AKAP19: variants seen among roughly 807,000 people sequenced by gnomAD.
AKAP19 encodes small A-kinase anchoring protein.
At chr2:190,003,470 G>A in the AKAP19 span, among the ~76,000 whole-genome samples, 1 of 152,024 alleles carries the variant, frequency 6.6e-6, no homozygotes, top group Non-Finnish European at 1.5e-5. Flanking sequence ...AATTACTGAG[G>A]TAAATAATAT....
At chr2:190,118,567 G>A in the AKAP19 span, among the ~76,000 whole-genome samples, 8 of 152,112 alleles carry the variant, frequency 5.3e-5, no homozygotes, top group Non-Finnish European at 1.5e-5. Flanking sequence ...TTCAACATAT[G>A]CAAATCAATA....
the AKAP19 span, among the ~76,000 whole-genome samples, chr2:190,198,631 CAAAAAAAAAAAAAAA>C: frequency 9.9e-5 from 7 of 70,592 alleles, no homozygotes; most frequent in South Asian, 1.3e-3. Context: ...GACCCTGTCT[CAAAAAAAAAAAAAAA>C]AAAAAAAAAG....
chr2:189,935,178 A>T, the AKAP19 span, among the ~76,000 whole-genome samples: 7 of 152,076 alleles, frequency 4.6e-5, no homozygotes, highest in Admixed American at 4.6e-4. Context: ...AAAGTATGAA[A>T]TACAGAGCAA....
the AKAP19 span, among the ~76,000 whole-genome samples, chr2:189,890,373 T>G: frequency 2.0e-5 from 3 of 152,198 alleles, no homozygotes; most frequent in African/African-American, 7.2e-5. Context: ...TGCAATGTGG[T>G]GCTGAGAAGA....
the AKAP19 span, among the ~76,000 whole-genome samples, chr2:190,052,241 C>G: frequency 6.6e-6 from 1 of 152,274 alleles, no homozygotes; most frequent in East Asian, 1.9e-4. Context: ...ATATAATTCA[C>G]TCCATTACTT....
chr2:190,080,297 A>G, the AKAP19 span, among the ~76,000 whole-genome samples: 6 of 152,232 alleles, frequency 3.9e-5, no homozygotes, highest in African/African-American at 1.4e-4. Context: ...AAATTAATAA[A>G]GACACAATGC....
chr2:190,102,701 A>AAG, the AKAP19 span, among the ~76,000 whole-genome samples: 1 of 152,158 alleles, frequency 6.6e-6, no homozygotes, highest in Non-Finnish European at 1.5e-5. Flanking sequence ...AATAAAAAAA[A>AAG]AGACCTACCA....
At chr2:190,039,437 G>A in the AKAP19 span, among the ~76,000 whole-genome samples, 19,296 of 152,140 alleles carry the variant, frequency 0.13, 2,927 homozygotes, top group African/African-American at 0.36. Flanking sequence ...TACTGCCCCA[G>A]TAGTGGAAAA....
chr2:189,984,414 G>A, the AKAP19 span, among the ~76,000 whole-genome samples: 3 of 152,130 alleles, frequency 2.0e-5, no homozygotes, highest in South Asian at 6.2e-4. Flanking sequence ...GCTCTGTTCT[G>A]CCCAGCTCAC....
At chr2:189,989,323 A>G in the AKAP19 span, among the ~76,000 whole-genome samples, 1 of 152,218 alleles carries the variant, frequency 6.6e-6, no homozygotes, top group Non-Finnish European at 1.5e-5. Flanking sequence ...GAAAAGCAGA[A>G]CAAATCACAC....
chr2:189,971,386 A>C, the AKAP19 span, among the ~76,000 whole-genome samples: 342 of 152,252 alleles, frequency 2.2e-3, 4 homozygotes, highest in African/African-American at 7.7e-3. Flanking sequence ...TCTATCATTG[A>C]TGGACATTTG....
At chr2:190,046,092 T>G in the AKAP19 span, among the ~76,000 whole-genome samples, 1 of 152,208 alleles carries the variant, frequency 6.6e-6, no homozygotes, top group African/African-American at 2.4e-5. Context: ...CTGTCTTGCT[T>G]TTCTTCATTC....
the AKAP19 span, among the ~76,000 whole-genome samples, chr2:190,077,745 A>G: frequency 6.6e-6 from 1 of 152,094 alleles, no homozygotes; most frequent in African/African-American, 2.4e-5. Flanking sequence ...TCCTTTGAAG[A>G]GTGTTGAAGT....
the AKAP19 span, among the ~76,000 whole-genome samples, chr2:189,931,853 G>A: frequency 6.6e-6 from 1 of 152,032 alleles, no homozygotes; most frequent in Non-Finnish European, 1.5e-5. Flanking sequence ...GAACTCATGA[G>A]CTCAAGTGAT....
the AKAP19 span, among the ~76,000 whole-genome samples, chr2:190,162,092 T>C: frequency 6.6e-6 from 1 of 152,188 alleles, no homozygotes; most frequent in Admixed American, 6.5e-5. Context: ...TGGATTAAGA[T>C]GATTATGTGA....
the AKAP19 span, among the ~76,000 whole-genome samples, chr2:189,882,950 A>G: frequency 5.8e-3 from 873 of 151,806 alleles, 12 homozygotes; most frequent in African/African-American, 0.02. Flanking sequence ...GACTAGCAAC[A>G]CACTATTGGA....
At chr2:190,106,902 C>G in the AKAP19 span, among the ~76,000 whole-genome samples, 1 of 152,156 alleles carries the variant, frequency 6.6e-6, no homozygotes. Flanking sequence ...GTGACCATCA[C>G]TGAGGAACAG....
At chr2:190,035,279 A>G in the AKAP19 span, among the ~76,000 whole-genome samples, 2 of 152,006 alleles carry the variant, frequency 1.3e-5, no homozygotes. Context: ...AAAAATACAA[A>G]AATTAGCTGG....
chr2:189,996,509 T>A, the AKAP19 span, among the ~76,000 whole-genome samples: 30 of 152,302 alleles, frequency 2.0e-4, no homozygotes, highest in South Asian at 5.6e-3. Flanking sequence ...ATTGTTTTTT[T>A]AAAATTTACT....
Sources: allele counts gnomAD v4.1 joint callset (sites outside exome capture counted in the v4.1 genomes callset), GRCh38; gene constraint gnomAD v4.1.1; transcripts MANE v1.5; gene names NCBI Gene and HGNC (gene_info 2026-07-23, HGNC 2026-07-21).